NR5A2: variants seen among roughly 807,000 people sequenced by gnomAD.
NR5A2 encodes the protein nuclear receptor subfamily 5 group A member 2.
In NR5A2, 26 loss-of-function variants were observed where a neutral mutation model predicts 62.7. That is an observed-to-expected ratio of 0.41 (90% CI 0.30 to 0.58). The LOEUF is 0.58. Ranked by LOEUF, NR5A2 falls within the 20% of genes least tolerant of loss-of-function variation. The probability of loss-of-function intolerance (pLI) is 0.22; values close to 1 mark genes in which losing one functional copy is unlikely to be tolerated. For missense variants in NR5A2, 541 were observed against 669.1 expected (o/e 0.81, Z 2.11); for synonymous variants, 246 against 241.7 (o/e 1.02, Z -0.16).
At position 200,132,698 on chromosome 1, in the gene NR5A2, G is replaced by C; in HGVS notation, c.1378+11743G>C. On this transcript the variant is annotated intron_variant, in intron 7 of 7. Transcript: ENST00000367362. ...AGGAATAACCAGCAAGAAAAATCAAGTAAGAATGCCATGTGCTCTTGGTTG... is the reference window on the plus strand; with the variant it reads ...AGGAATAACCAGCAAGAAAAATCAACTAAGAATGCCATGTGCTCTTGGTTG... Among the ~76,000 whole-genome samples, 2 of 152,182 alleles carry C rather than the reference G, an allele frequency of 1.3e-5. 1 individual carries two copies. Among genetic ancestry groups the C allele is most frequent in the Non-Finnish European group, 2.9e-5 (2 of 68,034 alleles).
chr1:200,135,532 AAAGAAGAAG>A (rs200025911), intron 7 of NR5A2, among the ~76,000 whole-genome samples: 2 of 138,544 alleles, frequency 1.4e-5, no homozygotes, highest in East Asian at 4.4e-4. Flanking sequence ...AAAAAAAAAA[AAAGAAGAAG>A]AAGAAGAAGA....
At chr1:200,111,159 ATTTTTTGTT>A (rs1558145413) in intron 5 of NR5A2, 34 bp from the exon 6 acceptor site, 6 of 1,599,514 alleles carry the variant, frequency 3.8e-6, no homozygotes, top group Admixed American at 3.5e-5. Flanking sequence ...TAACAGTGTC[ATTTTTTGTT>A]TTTTTTGTTT....
chr1:200,125,414 C>T (rs1666658958), intron 7 of NR5A2, among the ~76,000 whole-genome samples: 1 of 152,172 alleles, frequency 6.6e-6, no homozygotes, highest in South Asian at 2.1e-4. Flanking sequence ...TTTGATTATA[C>T]ACATCCCAGG....
chr1:200,072,975 TTGGC>T (rs1337340254), intron 5 of NR5A2, among the ~76,000 whole-genome samples: 1 of 152,146 alleles, frequency 6.6e-6, no homozygotes, highest in Admixed American at 6.5e-5. Context: ...GTTTGTAAAA[TTGGC>T]AGGCTGATGT....
chr1:200,143,589 A>T (rs901010076), intron 7 of NR5A2, among the ~76,000 whole-genome samples: 2 of 151,158 alleles, frequency 1.3e-5, no homozygotes, highest in Non-Finnish European at 2.9e-5. Context: ...AACACCCTTC[A>T]GAAGCTGGAC....
chr1:200,165,156 C>T (rs185296170), intron 7 of NR5A2, among the ~76,000 whole-genome samples: 304 of 152,216 alleles, frequency 2.0e-3, no homozygotes, highest in Non-Finnish European at 3.0e-3. Context: ...GGATTACAGG[C>T]GTGAACCACC....
At chr1:200,127,117 T>C (rs1367867446) in intron 7 of NR5A2, among the ~76,000 whole-genome samples, 1 of 152,182 alleles carries the variant, frequency 6.6e-6, no homozygotes, top group African/African-American at 2.4e-5. Flanking sequence ...CAAAACTAGA[T>C]GATTTATCCA....
At chr1:200,055,823 G>GC in intron 5 of NR5A2, among the ~76,000 whole-genome samples, 1 of 152,274 alleles carries the variant, frequency 6.6e-6, no homozygotes, top group African/African-American at 2.4e-5. Flanking sequence ...GGCACATTAA[G>GC]CCATCTATTG....
chr1:200,084,004 A>AATG (rs1038237885), intron 5 of NR5A2, among the ~76,000 whole-genome samples: 1 of 142,660 alleles, frequency 7.0e-6, no homozygotes, highest in African/African-American at 2.6e-5. Context: ...TAATAATAAT[A>AATG]ATAAAGTACA....
chr1:200,073,346 TTATATA>T (rs1415325711), intron 5 of NR5A2, among the ~76,000 whole-genome samples: 1 of 54,648 alleles, frequency 1.8e-5, no homozygotes, highest in African/African-American at 6.6e-5. Flanking sequence ...ATATTCCCCT[TTATATA>T]TATATGCGCA....
chr1:200,081,145 A>G (rs945541193), intron 5 of NR5A2, among the ~76,000 whole-genome samples: 1 of 152,226 alleles, frequency 6.6e-6, no homozygotes, highest in African/African-American at 2.4e-5. Flanking sequence ...GCTTGGATAA[A>G]TGGATAAAAG....
intron 5 of NR5A2, among the ~76,000 whole-genome samples, chr1:200,071,915 T>C (rs984199848): frequency 2.1e-4 from 32 of 152,202 alleles, no homozygotes; most frequent in Non-Finnish European, 5.9e-5. Context: ...ACAAACTACC[T>C]TGAGCTTTAC....
At position 200,147,513 on chromosome 1, in the gene NR5A2, C is replaced by T. The variant is rs1667761587; in HGVS notation, c.1379-26450C>T. 1 of 655,210 alleles carries T rather than the reference C, an allele frequency of 1.5e-6. No homozygotes were observed. The highest frequency in any genetic ancestry group is 1.8e-5 in the Admixed American group (1 of 55,272). The allele number at this position is 655,210 out of a possible 1,614,324, so 40.6% of individuals were successfully genotyped here. On this transcript the variant is annotated intron_variant, in intron 7 of 7. Transcript: ENST00000367362. This position sits in a 1 kb window ranked among gnomAD's most constrained non-coding sequence, Gnocchi z 4.9. ...ATCTGTTTCTTCATCCTTAAAATTTCTGCTGCTTTTGCTGTTTCTGTGATT... is the reference window on the plus strand; with the variant it reads ...ATCTGTTTCTTCATCCTTAAAATTTTTGCTGCTTTTGCTGTTTCTGTGATT...
intron 6 of NR5A2, among the ~76,000 whole-genome samples, chr1:200,116,381 A>C (rs1666216746): frequency 6.6e-6 from 1 of 152,246 alleles, no homozygotes; most frequent in Non-Finnish European, 1.5e-5. Context: ...GATTTTAAAA[A>C]ATGAGTGACT....
chr1:200,126,910 G>A (rs926164997), intron 7 of NR5A2, among the ~76,000 whole-genome samples: 2 of 152,098 alleles, frequency 1.3e-5, no homozygotes, highest in African/African-American at 4.8e-5. Context: ...CTGATGATCA[G>A]CATTTAGGTT....
chr1:200,114,699 A>G (rs1326530969), intron 6 of NR5A2, among the ~76,000 whole-genome samples: 2 of 152,326 alleles, frequency 1.3e-5, no homozygotes, highest in Middle Eastern at 3.4e-3. Context: ...CAAGGGTGAC[A>G]TTTATGGAGT....
chr1:200,148,354 C>T, intron 7 of NR5A2: 1 of 159,308 alleles, frequency 6.3e-6, no homozygotes. Flanking sequence ...CCTACTGCAG[C>T]ATGGCCTAGC....
At chr1:200,144,231 T>TCACACA (rs1240239017) in intron 7 of NR5A2, among the ~76,000 whole-genome samples, 8 of 70,854 alleles carry the variant, frequency 1.1e-4, no homozygotes, top group African/African-American at 3.4e-4. Flanking sequence ...TCTCTCTCTC[T>TCACACA]CTCACACACA....
At chr1:200,173,869 G>A (rs1297813428) in intron 7 of NR5A2, 94 bp from the exon 8 acceptor site, 1 of 1,272,710 alleles carries the variant, frequency 7.9e-7, no homozygotes, top group Non-Finnish European at 1.0e-6. Context: ...ATGTCAAAAG[G>A]AAAATACATC....
Sources: gnomAD v4.1 joint callset for allele counts (sites outside exome capture counted in the v4.1 genomes callset) on GRCh38, gnomAD v4.1.1 for gene constraint, Gnocchi (gnomAD v3.1) non-coding constraint, MANE v1.5 for transcripts, NCBI Gene and HGNC (gene_info 2026-07-23, HGNC 2026-07-21) for gene names.